TTC28: variants seen among roughly 807,000 people sequenced by gnomAD.
TTC28 encodes the protein tetratricopeptide repeat protein 28.
In TTC28, 61 loss-of-function variants were observed where a neutral mutation model predicts 198.0. The observed-to-expected ratio is 0.31, with a 90% CI of 0.25 to 0.38. The LOEUF is 0.38. Ranked by LOEUF, TTC28 falls within the 10% of genes least tolerant of loss-of-function variation. TTC28 has a pLI of 1.00. For missense variants in TTC28, 2,678 were observed against 3,164.0 expected (o/e 0.85, Z 3.69); for synonymous variants, 1,171 against 1,297.8 (o/e 0.90, Z 2.10).
At chr22:28,325,489 A>G (rs765767070) in intron 2 of TTC28, among the ~76,000 whole-genome samples, 25 of 152,192 alleles carry the variant, frequency 1.6e-4, no homozygotes, top group Non-Finnish European at 3.1e-4. Context: ...TTTTACAAGC[A>G]GGGCTTCCTC....
chr22:28,491,112 T>C (rs2048370533), intron 2 of TTC28, among the ~76,000 whole-genome samples: 1 of 152,170 alleles, frequency 6.6e-6, no homozygotes, highest in South Asian at 2.1e-4. Flanking sequence ...GTCCACCTGC[T>C]TCTCTCCATC....
chr22:28,417,212 C>A (rs142973284), intron 2 of TTC28, among the ~76,000 whole-genome samples: 12 of 149,566 alleles, frequency 8.0e-5, no homozygotes, highest in African/African-American at 3.0e-4. Flanking sequence ...AAGAGTAATC[C>A]CAACACTTTG....
intron 5 of TTC28, among the ~76,000 whole-genome samples, chr22:28,192,618 C>T (rs568142784): frequency 6.6e-6 from 1 of 152,218 alleles, no homozygotes; most frequent in East Asian, 1.9e-4. Context: ...GAGCTGAAAA[C>T]CATGGCATGA....
At chr22:28,478,089 T>C (rs918154824) in intron 2 of TTC28, among the ~76,000 whole-genome samples, 1 of 152,212 alleles carries the variant, frequency 6.6e-6, no homozygotes, top group Non-Finnish European at 1.5e-5. Flanking sequence ...AGCTGTGTAA[T>C]TGCGACAACA....
chr22:28,085,315 A>G (rs1213675964), intron 12 of TTC28, among the ~76,000 whole-genome samples: 7 of 152,188 alleles, frequency 4.6e-5, no homozygotes, highest in East Asian at 1.9e-4. Context: ...CTGATCTCTC[A>G]GCAGAAACTC....
In TTC28 at chr22:28,363,075, A is replaced by G. The variant is rs192790337; in HGVS notation, c.382-56432T>C. Among the ~76,000 whole-genome samples, 3 of 152,300 alleles carry G rather than the reference A, an allele frequency of 2.0e-5. No individual in the cohort carries two copies. In the East Asian group the frequency reaches 5.8e-4, roughly 29 times the overall value. On this transcript the variant is annotated intron_variant, in intron 2 of 22. Transcript: ENST00000397906. ...GGATCTGAATGTTAATCCCCAAGAC[A>G]ATGGGGAAAATGTCAGCCCTGGAGA...
At chr22:28,215,474 C>G (rs2147189579) in intron 5 of TTC28, among the ~76,000 whole-genome samples, 1 of 152,270 alleles carries the variant, frequency 6.6e-6, no homozygotes, top group East Asian at 1.9e-4. Context: ...TCTGCCCTCT[C>G]TGTTCCTTGC....
At chr22:28,164,205 T>C (rs561918216) in intron 5 of TTC28, among the ~76,000 whole-genome samples, 5 of 152,274 alleles carry the variant, frequency 3.3e-5, no homozygotes, top group Admixed American at 2.6e-4. Flanking sequence ...TTCTGTAGAC[T>C]CCACCTCTGG....
intron 2 of TTC28, among the ~76,000 whole-genome samples, chr22:28,377,303 AT>A (rs2046427681): frequency 6.6e-6 from 1 of 151,400 alleles, no homozygotes; most frequent in Non-Finnish European, 1.5e-5. Flanking sequence ...ATACAAAGGA[AT>A]TCCTGGGCTC....
intron 2 of TTC28, among the ~76,000 whole-genome samples, chr22:28,377,574 C>T (rs752291974): frequency 6.6e-5 from 10 of 152,088 alleles, no homozygotes; most frequent in Non-Finnish European, 1.5e-4. Flanking sequence ...TTTAAGTGTT[C>T]TTTACACTAC....
At chr22:28,046,539 T>C (rs1363261335) in intron 12 of TTC28, among the ~76,000 whole-genome samples, 1 of 152,244 alleles carries the variant, frequency 6.6e-6, no homozygotes, top group Non-Finnish European at 1.5e-5. Flanking sequence ...CAAAACGTCA[T>C]TATGTGGTAC....
At chr22:28,202,614 T>A (rs1209803693) in intron 5 of TTC28, among the ~76,000 whole-genome samples, 1 of 151,970 alleles carries the variant, frequency 6.6e-6, no homozygotes, top group East Asian at 1.9e-4. Context: ...TTTATAAAGC[T>A]ATAAAGATGT....
chr22:28,474,472 T>C (rs2048136217), intron 2 of TTC28, among the ~76,000 whole-genome samples: 1 of 152,186 alleles, frequency 6.6e-6, no homozygotes, highest in Non-Finnish European at 1.5e-5. Flanking sequence ...TTGCAAAGCC[T>C]GAAGAGAGGA....
At chr22:28,421,198 A>G (rs908599930) in intron 2 of TTC28, among the ~76,000 whole-genome samples, 1 of 152,182 alleles carries the variant, frequency 6.6e-6, no homozygotes, top group Admixed American at 6.5e-5. Context: ...AACTACAGAA[A>G]AGGAATCTAA....
intron 2 of TTC28, among the ~76,000 whole-genome samples, chr22:28,496,660 T>C (rs547585643): frequency 1.3e-5 from 2 of 152,102 alleles, no homozygotes; most frequent in South Asian, 4.1e-4. Context: ...AGTTCTGCCT[T>C]AGCCTACCAA....
intron 2 of TTC28, among the ~76,000 whole-genome samples, chr22:28,527,604 T>A (rs1314197223): frequency 6.6e-6 from 1 of 152,088 alleles, no homozygotes; most frequent in African/African-American, 2.4e-5. Flanking sequence ...CCCTAGAGAG[T>A]TCTCTTAAAT....
At chr22:28,621,490 G>T (rs982201294) in intron 2 of TTC28, among the ~76,000 whole-genome samples, 1 of 151,608 alleles carries the variant, frequency 6.6e-6, no homozygotes. Flanking sequence ...CAAGGCAGAA[G>T]AATCATCTGA....
chr22:28,031,457 C>A (rs1171254155), intron 12 of TTC28, among the ~76,000 whole-genome samples: 1 of 152,190 alleles, frequency 6.6e-6, no homozygotes. Flanking sequence ...CTGCAGGCAG[C>A]AGACAGAGTC....
intron 5 of TTC28, among the ~76,000 whole-genome samples, chr22:28,265,884 T>C (rs758021896): frequency 6.6e-6 from 1 of 152,134 alleles, no homozygotes; most frequent in African/African-American, 2.4e-5. Context: ...CAATACTTAT[T>C]ACAATTATTT....
Sources: gnomAD v4.1 joint callset for allele counts (sites outside exome capture counted in the v4.1 genomes callset) on GRCh38, gnomAD v4.1.1 for gene constraint, MANE v1.5 for transcripts, NCBI Gene and HGNC (gene_info 2026-07-23, HGNC 2026-07-21) for gene names.